NAALADL2: variants seen among roughly 807,000 people sequenced by gnomAD.
The protein encoded by NAALADL2 is inactive N-acetylated-alpha-linked acidic dipeptidase-like protein 2.
A neutral mutation model predicts 87.2 loss-of-function variants in NAALADL2; 76 were observed. That is an observed-to-expected ratio of 0.87 (90% CI 0.72 to 1.05). The LOEUF (loss-of-function observed/expected upper bound fraction) is 1.05, where lower values mean the gene tolerates loss of function less well. NAALADL2 is among the 50% of genes least tolerant of loss of function. The probability of loss-of-function intolerance (pLI) is 0.00; values close to 1 mark genes in which losing one functional copy is unlikely to be tolerated. For synonymous variants in NAALADL2, 354 were observed against 331.0 expected, an observed-to-expected ratio of 1.07 and a Z score of -0.75; for missense variants, 1,089 against 945.8, an observed-to-expected ratio of 1.15 and a Z score of -1.99.
At chr3:175,447,906 G>A (rs1028336682) in intron 6 of NAALADL2, among the ~76,000 whole-genome samples, 2 of 152,182 alleles carry the variant, frequency 1.3e-5, no homozygotes, top group Non-Finnish European at 2.9e-5. Flanking sequence ...TAAGCTACCT[G>A]TGGAGGGATG....
intron 11 of NAALADL2, among the ~76,000 whole-genome samples, chr3:175,643,493 CACCTACTTCGCA>C (rs1431242665): frequency 5.9e-5 from 9 of 152,196 alleles, no homozygotes; most frequent in African/African-American, 1.7e-4. Context: ...GAGCTTACTG[CACCTACTTCGCA>C]AAGGAAGAAC....
At chr3:174,776,249 G>A (rs1198743479) in intron 3 of NAALADL2, among the ~76,000 whole-genome samples, 3 of 152,062 alleles carry the variant, frequency 2.0e-5, no homozygotes, top group African/African-American at 7.2e-5. Flanking sequence ...AAGTTCTGTA[G>A]GATTACAAAA....
At chr3:175,110,146 G>A (rs1723939111) in intron 2 of NAALADL2, among the ~76,000 whole-genome samples, 1 of 151,642 alleles carries the variant, frequency 6.6e-6, no homozygotes, top group Non-Finnish European at 1.5e-5. Flanking sequence ...CTTATGGTAC[G>A]AATAATAAGA....
intron 11 of NAALADL2, among the ~76,000 whole-genome samples, chr3:175,656,592 A>T (rs1582795007): frequency 6.6e-6 from 1 of 151,996 alleles, no homozygotes; most frequent in African/African-American, 2.4e-5. Context: ...TTTAGAAAGT[A>T]TTTTTTTTAA....
chr3:175,492,354 G>C (rs979576878), intron 9 of NAALADL2, among the ~76,000 whole-genome samples: 1 of 152,134 alleles, frequency 6.6e-6, no homozygotes, highest in African/African-American at 2.4e-5. Flanking sequence ...TTGAGGCTTT[G>C]AGAGACAGGA....
chr3:174,571,089 A>G (rs908584999), intron 2 of NAALADL2, among the ~76,000 whole-genome samples: 3 of 152,154 alleles, frequency 2.0e-5, no homozygotes, highest in African/African-American at 7.2e-5. Context: ...ATAAGCTTCC[A>G]GGTGATGCTG....
At chr3:174,687,181 G>C (rs1728126243) in intron 2 of NAALADL2, among the ~76,000 whole-genome samples, 1 of 151,990 alleles carries the variant, frequency 6.6e-6, no homozygotes, top group Admixed American at 6.6e-5. Flanking sequence ...TAGTCTTCCT[G>C]ATCCTAGATA....
At chr3:174,603,393 A>C (rs13095830) in intron 2 of NAALADL2, among the ~76,000 whole-genome samples, 53,257 of 151,648 alleles carry the variant, frequency 0.35, 10,648 homozygotes, top group Non-Finnish European at 0.47. Context: ...ATTTATTTGC[A>C]TGTAATTGTT....
At chr3:175,739,557 A>G (rs1001512047) in intron 12 of NAALADL2, among the ~76,000 whole-genome samples, 3 of 152,214 alleles carry the variant, frequency 2.0e-5, no homozygotes, top group Non-Finnish European at 4.4e-5. Context: ...GAAAATCATT[A>G]TCTTTCTCCA....
At chr3:175,413,004 C>T (rs868668923) in intron 5 of NAALADL2, among the ~76,000 whole-genome samples, 4 of 149,502 alleles carry the variant, frequency 2.7e-5, no homozygotes, top group African/African-American at 7.3e-5. Flanking sequence ...CCTCAAGCTC[C>T]GCCTCCCGGG....
At chr3:174,948,231 C>T (rs577173652) in intron 1 of NAALADL2, among the ~76,000 whole-genome samples, 1 of 152,158 alleles carries the variant, frequency 6.6e-6, no homozygotes, top group Admixed American at 6.5e-5. Context: ...GACTGGAGTG[C>T]ATTGGCTTGA....
intron 2 of NAALADL2, among the ~76,000 whole-genome samples, chr3:174,617,563 A>G (rs999990383): frequency 6.6e-6 from 1 of 151,742 alleles, no homozygotes; most frequent in African/African-American, 2.4e-5. Flanking sequence ...AATAAAAACA[A>G]ACTGTATGTA....
At chr3:175,693,792 G>C (rs775769589) in intron 11 of NAALADL2, among the ~76,000 whole-genome samples, 3 of 152,050 alleles carry the variant, frequency 2.0e-5, no homozygotes, top group African/African-American at 7.2e-5. Context: ...TCCCCGACCC[G>C]GGTTCAAGCG....
At chr3:175,308,847 C>T (rs1758007494) in intron 4 of NAALADL2, among the ~76,000 whole-genome samples, 1 of 152,152 alleles carries the variant, frequency 6.6e-6, no homozygotes, top group Non-Finnish European at 1.5e-5. Flanking sequence ...CCCTTCTTTG[C>T]CAACTATAAA....
chr3:175,020,576 A>G (rs1406255111), intron 1 of NAALADL2, among the ~76,000 whole-genome samples: 1 of 152,040 alleles, frequency 6.6e-6, no homozygotes, highest in African/African-American at 2.4e-5. Flanking sequence ...TGGCATCATC[A>G]TTATTTGGGA....
chr3:175,078,573 A>C (rs9819175), intron 1 of NAALADL2, among the ~76,000 whole-genome samples: 1,738 of 152,202 alleles, frequency 0.011, 47 homozygotes, highest in African/African-American at 0.04. Flanking sequence ...ATTAGCAGTT[A>C]CACTGTCACT....
At chr3:175,032,613 C>T (rs535500173) in intron 1 of NAALADL2, among the ~76,000 whole-genome samples, 4 of 151,970 alleles carry the variant, frequency 2.6e-5, no homozygotes, top group Non-Finnish European at 4.4e-5. Context: ...TTTGCCTTTA[C>T]CTGGCAGGCT....
intron 1 of NAALADL2, among the ~76,000 whole-genome samples, chr3:174,888,458 C>G (rs939632126): frequency 2.0e-5 from 3 of 152,206 alleles, no homozygotes; most frequent in African/African-American, 7.2e-5. Context: ...AATAGGCTCA[C>G]TTCACGCAAA....
chr3:174,714,724 A>G lies in NAALADL2; in HGVS notation c.-114-22917A>G, dbSNP rs578192071. The stretch of plus-strand genomic sequence containing the variant: ...TGAGACGATGGGGTTTTCTAGATAT[A>G]CAATCATGTCATCTGCAAACAGGGA... On this transcript the variant is annotated intron_variant, in intron 2 of 3. Transcript: ENST00000434257. Among the ~76,000 whole-genome samples, 7 of 152,280 alleles carry G rather than the reference A, an allele frequency of 4.6e-5. No homozygotes were observed. In the South Asian group the frequency reaches 1.4e-3, roughly 32 times the overall value.
Sources: allele counts gnomAD v4.1 joint callset (sites outside exome capture counted in the v4.1 genomes callset), GRCh38; gene constraint gnomAD v4.1.1; transcripts MANE v1.5; gene names NCBI Gene and HGNC (gene_info 2026-07-23, HGNC 2026-07-21).